Variants in TMEM126B observed in about 807,000 individuals in gnomAD.
TMEM126B encodes complex I assembly factor TMEM126B, mitochondrial.
Under a neutral mutation model 16.5 loss-of-function variants are expected in TMEM126B, and 19 were observed. The ratio of observed to expected loss-of-function variants is 1.15; its 90% CI spans 0.80 to 1.69. TMEM126B has a LOEUF of 1.69. TMEM126B is among the 40% of genes most tolerant of loss of function. TMEM126B has a pLI of 0.00. For missense variants in TMEM126B, 293 were observed against 278.7 expected, an observed-to-expected ratio of 1.05 and a Z score of -0.37; for synonymous variants, 104 against 93.2, an observed-to-expected ratio of 1.12 and a Z score of -0.67.
chr11:85,631,070 G>A lies in TMEM126B; in HGVS notation c.82-617G>A, dbSNP rs895258109. ...CAATCCACTGCCTGTTCCCTTCCTG[G>A]AGCAGTGTCCCTCTTTCTGATTTTT... On this transcript the variant is annotated intron_variant, in intron 1 of 4. Transcript: ENST00000358867. The A allele has an allele frequency of 2.0e-5, 23 of 1,134,062 alleles. No homozygotes were observed. In the Admixed American group the frequency reaches 2.1e-4, roughly 10 times the overall value. The allele number at this position is 1,134,062 out of a possible 1,614,324, so 70.2% of individuals were successfully genotyped here.
chr11:85,635,844 T>A, intron 4 of TMEM126B, 66 bp downstream of exon 4: 1 of 1,102,644 alleles, frequency 9.1e-7, no homozygotes, highest in Non-Finnish European at 1.3e-6. Context: ...TTTTTTAGGT[T>A]AATAAACTCT....
At chr11:85,631,665 G>A (rs1591450351) in intron 1 of TMEM126B, 22 bp from the exon 2 acceptor site, 1 of 1,602,614 alleles carries the variant, frequency 6.2e-7, no homozygotes, top group Non-Finnish European at 8.5e-7. Flanking sequence ...AGCTATTATG[G>A]CTCTGGAATT....
At chr11:85,628,755 T>C (rs544256417) in intron 1 of TMEM126B, 67 bp downstream of exon 1, 2 of 1,423,404 alleles carry the variant, frequency 1.4e-6, no homozygotes, top group South Asian at 2.4e-5. Context: ...CAGACTCTTC[T>C]AAGATGATAC....
At position 85,636,230 on chromosome 11, in the gene TMEM126B, C is replaced by G; in HGVS notation, c.*1C>G. 1 of 1,476,086 alleles carries G rather than the reference C, an allele frequency of 6.8e-7. No individual in the cohort carries two copies. The highest frequency in any genetic ancestry group is 1.4e-5 in the African/African-American group (1 of 70,220). 91.4% of individuals were successfully genotyped at this position (1,476,086 alleles called of 1,614,324 possible). A position where few individuals can be genotyped will look rare whatever the true frequency, so the allele number is the denominator to read the frequency against. ...TGAGAAAACTATACATGAAGAGTAA[C>G]CAAAAAAATGAATGGTTGCTAACTT... On this transcript the variant is annotated 3_prime_UTR_variant, in exon 5 of 5. Transcript: ENST00000358867.
At chr11:85,629,357 C>A in intron 1 of TMEM126B, 3 of 761,104 alleles carry the variant, frequency 3.9e-6, no homozygotes, top group South Asian at 1.5e-5. Context: ...AACTATAAAC[C>A]TACATAAATG....
intron 2 of TMEM126B, among the ~76,000 whole-genome samples, chr11:85,632,180 A>G (rs1355667342): frequency 6.6e-6 from 1 of 152,242 alleles, no homozygotes; most frequent in Non-Finnish European, 1.5e-5. Flanking sequence ...TATCTCAGCC[A>G]CAGTACTTAG....
chr11:85,634,506 A>G (rs76117886), intron 3 of TMEM126B: 2 of 428,454 alleles, frequency 4.7e-6, no homozygotes, highest in African/African-American at 2.1e-5. Context: ...GGCATGTTCA[A>G]GTACGCTAAT....
At position 85,636,445 on chromosome 11, in the gene TMEM126B, G is replaced by C. The variant is rs921765186; in HGVS notation, c.*216G>C. The C allele has an allele frequency of 3.1e-6, 1 of 320,240 alleles. No individual in the cohort carries two copies. 19.8% of individuals were successfully genotyped at this position (320,240 alleles called of 1,614,324 possible). A position where few individuals can be genotyped will look rare whatever the true frequency, so the allele number is the denominator to read the frequency against. On this transcript the variant is annotated 3_prime_UTR_variant, in exon 5 of 5. Transcript: ENST00000358867. ...TACAGGTCTTATCTCCTGATGGTGT[G>C]TCCATTTTGCCTGGTATATAACAGA...
intron 2 of TMEM126B, among the ~76,000 whole-genome samples, chr11:85,633,740 A>G (rs1271339216): frequency 6.6e-6 from 1 of 152,166 alleles, no homozygotes. Context: ...CAGGAAAGGT[A>G]TTCTTGGATT....
At position 85,634,150 on chromosome 11, in the gene TMEM126B, A is replaced by T; in HGVS notation, c.268A>T (p.Asn90Tyr). Residue 90 changes from asparagine (N) to tyrosine (Y), a missense_variant, in exon 3 of 5, where the codon AAC becomes TAC. Physicochemically the swap from Asn to Tyr is moderately radical, Grantham distance 143. Transcript: ENST00000358867. ...TTAGFSGIFS[N>Y]FLFRRCFKVK... ...AGCTGGTTTCTCTGGAATATTCTCA[A>T]ACTTCCTGTTCAGACGCTGCTTCAA... The T allele has an allele frequency of 6.2e-7, 1 of 1,613,792 alleles. No individual in the cohort carries two copies. The highest frequency in any genetic ancestry group is 1.7e-5 in the Admixed American group (1 of 60,022).
chr11:85,631,579 A>G (rs1454050294), intron 1 of TMEM126B, 108 bp from the exon 2 acceptor site: 70 of 1,262,584 alleles, frequency 5.5e-5, no homozygotes, highest in Non-Finnish European at 7.6e-5. Context: ...AGTACCTGGC[A>G]CACTACTAAA....
rs946366003 is a variant in TMEM126B at position 85,634,529 on chromosome 11, G to A, written c.397+250G>A. 45 of 369,894 alleles carry A rather than the reference G, an allele frequency of 1.2e-4. No homozygotes were observed. In the South Asian group the frequency reaches 1.6e-3, roughly 13 times the overall value. 22.9% of individuals were successfully genotyped at this position (369,894 alleles called of 1,614,324 possible). Reference sequence around the variant, plus strand: ...CAAGTACGCTAATAAGCAACATACTGGGAAAAGAATTGGCTGTGGCATACA... The same window carrying A: ...CAAGTACGCTAATAAGCAACATACTAGGAAAAGAATTGGCTGTGGCATACA... On this transcript the variant is annotated intron_variant, in intron 3 of 4. Transcript: ENST00000358867.
chr11:85,632,799 TTTTTA>T (rs1021629182), intron 2 of TMEM126B, among the ~76,000 whole-genome samples: 8 of 151,862 alleles, frequency 5.3e-5, no homozygotes, highest in Admixed American at 2.0e-4. Context: ...CTTTTATTTT[TTTTTA>T]TTTTATTATT....
At chr11:85,633,998 A>G in intron 2 of TMEM126B, 88 bp from the exon 3 acceptor site, 1 of 821,430 alleles carries the variant, frequency 1.2e-6, no homozygotes. Context: ...AATATTTGAT[A>G]TTGATATGCA....
Position 85,635,704 on chromosome 11 carries a change from A to G in TMEM126B, c.435A>G (p.Ser145=), listed in dbSNP as rs751091239. 1 of 1,607,346 alleles carries G rather than the reference A, an allele frequency of 6.2e-7. No individual in the cohort carries two copies. The highest frequency in any genetic ancestry group is 8.5e-7 in the Non-Finnish European group (1 of 1,178,500). Residue 145 remains serine (S), a synonymous_variant, in exon 4 of 5, where the codon TCA becomes TCG. Transcript: ENST00000358867. ...AGGAAAACTGTGTTTTCAGAAGCTC[A>G]CTGATTGGCATAGTTTGTGGTGTTT... ...ISKENCVFRS[S]LIGIVCGVFY... is the part of the protein sequence containing the mutation.
rs886037835 is a variant in TMEM126B, at chr11:85,635,668, TA to T, written c.401del (p.Asn134IlefsTer2). 8.1e-6 allele frequency: 13 copies of T among 1,603,684 alleles called. No individual in the cohort carries two copies. Among genetic ancestry groups the T allele is most frequent in the Non-Finnish European group, 1.1e-5 (13 of 1,176,624 alleles). On this transcript the variant is annotated frameshift_variant and splice_region_variant, in exon 4 of 5. Coordinates refer to ENST00000358867, the MANE Select transcript of TMEM126B (RefSeq NM_018480.7). LOFTEE classifies it high-confidence loss of function. ...ACCAAATTTACTTTTGTTTTCCAGA[TA>T]ATATAAGCAAGGAAAACTGTGTTTT... is the stretch of plus-strand genomic sequence containing the variant. Reference protein sequence around the residue: ...LFVIDALYSDNISKENCVFRS... With the variant: ...LFVIDALYSDXISKENCVFRS...
At position 85,636,045 on chromosome 11, in the gene TMEM126B, G is replaced by A. The variant is rs762220108; in HGVS notation, c.510-1G>A. 2 of 1,559,576 alleles carry A rather than the reference G, an allele frequency of 1.3e-6. No individual in the cohort carries two copies. Among genetic ancestry groups the A allele is most frequent in the African/African-American group, 1.5e-5 (1 of 65,142 alleles). ...GGTGATTAACTCTTTTTTCTTTTTA[G>A]GTATCATACCGTTCCACTGCCACCA... On this transcript the variant is annotated splice_acceptor_variant, in intron 4 of 4. Transcript: ENST00000358867. LOFTEE classifies it high-confidence loss of function.
At chr11:85,635,446 A>G (rs1274827960) in intron 3 of TMEM126B, among the ~76,000 whole-genome samples, 1 of 152,206 alleles carries the variant, frequency 6.6e-6, no homozygotes, top group African/African-American at 2.4e-5. Context: ...TACAACAACC[A>G]CATACGTTAG....
At chr11:85,628,779 T>G in intron 1 of TMEM126B, 91 bp downstream of exon 1, 1 of 1,338,692 alleles carries the variant, frequency 7.5e-7, no homozygotes, top group Non-Finnish European at 1.0e-6. Flanking sequence ...TAAAGGAGAT[T>G]TGAAAAGTTA....
Sources: allele counts gnomAD v4.1 joint callset (sites outside exome capture counted in the v4.1 genomes callset), GRCh38; gene constraint gnomAD v4.1.1; transcripts MANE v1.5; gene names NCBI Gene and HGNC (gene_info 2026-07-23, HGNC 2026-07-21).